The following ZFYVE21 variants were observed in gnomAD, a reference collection of about 807,000 sequenced individuals.
ZFYVE21 encodes the protein zinc finger FYVE domain-containing protein 21.
ZFYVE21 carries 21 observed loss-of-function variants against 29.5 expected under a neutral mutation model. The ratio of observed to expected loss-of-function variants is 0.71; its 90% confidence interval spans 0.50 to 1.02. The LOEUF (loss-of-function observed/expected upper bound fraction) is 1.02. Among genes scored for constraint, ZFYVE21 ranks in the 50% least tolerant of loss-of-function variants. The probability of loss-of-function intolerance (pLI) is 0.00; values close to 1 mark genes in which losing one functional copy is unlikely to be tolerated. For synonymous variants in ZFYVE21, 151 were observed against 133.8 expected, an observed-to-expected ratio of 1.13 and a Z score of -0.89; for missense variants, 326 against 335.4, an observed-to-expected ratio of 0.97 and a Z score of 0.22.
intron 5 of ZFYVE21, chr14:103,730,040 C>A: frequency 1.6e-6 from 1 of 629,634 alleles, no homozygotes; most frequent in Non-Finnish European, 2.7e-6. Context: ...GATACCGCAG[C>A]AGATGTACTT....
Position 103,727,815 on chromosome 14 carries a change from A to T in ZFYVE21, c.259A>T (p.Met87Leu), listed in dbSNP as rs778178596. 1 of 1,613,054 alleles carries T rather than the reference A, an allele frequency of 6.2e-7. No homozygotes were observed. Among genetic ancestry groups the T allele is most frequent in the Non-Finnish European group, 8.5e-7 (1 of 1,179,922 alleles). ...CCSQKVPLRR[M>L]CFVDPVRQCA... ...CAGCCAGAAGGTGCCGCTGCGGCGC[A>T]TGTGCTTTGTGGACCCCGTGCGGCA... is the stretch of plus-strand genomic sequence containing the variant. The change falls in exon 3 of 7, where the codon ATG becomes TTG. Residue 87 changes from methionine (M) to leucine (L), a missense_variant. Transcript: ENST00000311141.
chr14:103,716,134 C>A lies in ZFYVE21; in HGVS notation c.138+155C>A, dbSNP rs1219238163. 6.6e-6 allele frequency among the ~76,000 whole-genome samples: 1 copy of A among 151,456 alleles called. No homozygotes were observed. The highest frequency in any genetic ancestry group is 1.5e-5 in the Non-Finnish European group (1 of 67,798). ...CCGCTCTCTCCCAGGTTGGCCGCGT[C>A]CCCGGGCCGCCGCCTCAGGCTCCTA... is the stretch of plus-strand genomic sequence containing the variant. On this transcript the variant is annotated intron_variant, in intron 1 of 6. Coordinates refer to ENST00000311141, the MANE Select transcript of ZFYVE21 (RefSeq NM_024071.4). The surrounding 1 kb of genome is among the most constrained non-coding windows in gnomAD (Gnocchi z 4.8).
At chr14:103,726,711 T>G in intron 1 of ZFYVE21, 81 bp from the exon 2 acceptor site, 1 of 1,572,548 alleles carries the variant, frequency 6.4e-7, no homozygotes, top group Non-Finnish European at 8.7e-7. Context: ...GGGCCCAGCT[T>G]TCTCAGCAGC....
At position 103,729,975 on chromosome 14, in the gene ZFYVE21, G is replaced by A. The variant is rs558988306; in HGVS notation, c.526+793G>A. The A allele has an allele frequency of 4.6e-6, 5 of 1,084,940 alleles. No individual in the cohort carries two copies. In the South Asian group the frequency reaches 6.4e-5, roughly 14 times the overall value. 67.2% of individuals were successfully genotyped at this position (1,084,940 alleles called of 1,614,324 possible). A position where few individuals can be genotyped will look rare whatever the true frequency, so the allele number is the denominator to read the frequency against. ...GTGAAACCTGAATTCACTTACTTTG[G>A]TTGACTTAAGAGAGATGTTGGATCT... On this transcript the variant is annotated intron_variant, in intron 5 of 6. Coordinates refer to ENST00000311141, the MANE Select transcript of ZFYVE21 (RefSeq NM_024071.4).
chr14:103,726,988 C>T (rs1235248864), intron 2 of ZFYVE21, 146 bp downstream of exon 2: 12 of 779,706 alleles, frequency 1.5e-5, no homozygotes, highest in Middle Eastern at 7.9e-4. Flanking sequence ...TCTTGTCGCC[C>T]AGGCTGGAGT....
intron 5 of ZFYVE21, chr14:103,729,785 T>A: frequency 6.5e-7 from 1 of 1,536,494 alleles, no homozygotes; most frequent in South Asian, 1.2e-5. Context: ...CCCACCTTCT[T>A]GCCATAGAAA....
In ZFYVE21 at chr14:103,726,591, G is replaced by A. The variant is rs750347513; in HGVS notation, c.139-201G>A. ...TGCATCTCCCGCAGGCCTGGGAGCAGCCTGCACCCCACCGCATTGGCTCTG... is the reference window on the plus strand; with the variant it reads ...TGCATCTCCCGCAGGCCTGGGAGCAACCTGCACCCCACCGCATTGGCTCTG... On this transcript the variant is annotated intron_variant, in intron 1 of 6. Coordinates refer to ENST00000311141, the MANE Select transcript of ZFYVE21 (RefSeq NM_024071.4). The A allele has an allele frequency of 8.8e-5, 58 of 659,152 alleles. 1 individual carries two copies. Among genetic ancestry groups the A allele is most frequent in the Non-Finnish European group, 1.4e-4 (54 of 373,562 alleles). The allele number at this position is 659,152 out of a possible 1,614,324, so 40.8% of individuals were successfully genotyped here.
intron 1 of ZFYVE21, among the ~76,000 whole-genome samples, chr14:103,721,669 C>CA (rs778471557): frequency 1.3e-5 from 2 of 152,226 alleles, no homozygotes; most frequent in Admixed American, 1.3e-4. Flanking sequence ...GGGCACTGCC[C>CA]AAGCTGACCT....
chr14:103,729,737 C>G (rs2083958086), intron 5 of ZFYVE21: 2 of 1,532,068 alleles, frequency 1.3e-6, no homozygotes, highest in African/African-American at 1.4e-5. Context: ...CTTCCGTTCT[C>G]TCACCGGCTC....
Position 103,727,856 on chromosome 14 carries a change from C to T in ZFYVE21, c.300C>T (p.Ala100=), listed in dbSNP as rs1272458752. Residue 100 remains alanine, a synonymous_variant, in exon 3 of 7, where the codon GCC becomes GCT. Transcript: ENST00000311141. ...VDPVRQCAEC[A]LVSLKEAEFY... ...CCGTGCGGCAGTGCGCGGAGTGCGCCCTCGTGTCCCTCAAGGAGGCGGAGT... is the reference window on the plus strand; with the variant it reads ...CCGTGCGGCAGTGCGCGGAGTGCGCTCTCGTGTCCCTCAAGGAGGCGGAGT... The T allele has an allele frequency of 6.2e-7, 1 of 1,613,266 alleles. No homozygotes were observed. Among genetic ancestry groups the T allele is most frequent in the South Asian group, 1.1e-5 (1 of 91,072 alleles).
At chr14:103,722,798 GAC>G (rs1011434950) in intron 1 of ZFYVE21, among the ~76,000 whole-genome samples, 1 of 151,540 alleles carries the variant, frequency 6.6e-6, no homozygotes, top group Non-Finnish European at 1.5e-5. Context: ...CAGCCTGGGC[GAC>G]AGACTCCGTC....
intron 3 of ZFYVE21, chr14:103,728,666 T>C (rs977000845): frequency 3.4e-5 from 17 of 501,896 alleles, no homozygotes; most frequent in African/African-American, 2.9e-4. Flanking sequence ...GTAAAAGAAT[T>C]TCTAGGAGCT....
chr14:103,719,653 G>A (rs772432461), intron 1 of ZFYVE21, among the ~76,000 whole-genome samples: 3 of 151,980 alleles, frequency 2.0e-5, no homozygotes, highest in African/African-American at 7.3e-5. Context: ...ACACTGCAGG[G>A]TGGGGGGTTT....
At chr14:103,731,393 A>C (rs905078797) in intron 5 of ZFYVE21, 1 of 150,940 alleles carries the variant, frequency 6.6e-6, no homozygotes, top group African/African-American at 2.4e-5. Context: ...TGAGGTTGGG[A>C]GTTCGAAACC....
In ZFYVE21 at chr14:103,719,762, C is replaced by T. The variant is rs545951279; in HGVS notation, c.138+3783C>T. On this transcript the variant is annotated intron_variant, in intron 1 of 6. Transcript: ENST00000311141. ...CACAGGTGTTCTGGGAACCAGCAGC[C>T]TCATGAGATACTGCCAGGGACACCA... Among the ~76,000 whole-genome samples, 18 of 152,162 alleles carry T rather than the reference C, an allele frequency of 1.2e-4. No individual in the cohort carries two copies. In the East Asian group the frequency reaches 3.1e-3, roughly 26 times the overall value.
chr14:103,729,834 C>T, intron 5 of ZFYVE21: 1 of 1,536,236 alleles, frequency 6.5e-7, no homozygotes, highest in Non-Finnish European at 8.7e-7. Flanking sequence ...GGGGAGCCAG[C>T]CTGCCTCTGA....
intron 1 of ZFYVE21, among the ~76,000 whole-genome samples, chr14:103,723,933 C>T (rs927475735): frequency 2.0e-5 from 3 of 152,098 alleles, no homozygotes; most frequent in East Asian, 1.9e-4. Context: ...CTGAGGGTGG[C>T]GGGGACATGG....
chr14:103,731,561 C>A (rs1195497593), intron 5 of ZFYVE21: 1 of 151,986 alleles, frequency 6.6e-6, no homozygotes, highest in Non-Finnish European at 1.5e-5. Context: ...GAGCCGAGAT[C>A]GCACCACTGC....
In ZFYVE21 at chr14:103,732,757, C is replaced by T. The variant is rs1567073328; in HGVS notation, c.664C>T (p.His222Tyr). Reference protein sequence around the residue: ...RQAVAWLVAMHKAAKLLYESR... With the variant: ...RQAVAWLVAMYKAAKLLYESR... ...GGCGGTGGCGTGGCTAGTGGCCATG[C>T]ACAAGGTACCTGAGCCCAGGCCAGG... The change falls in exon 6 of 7, where the codon CAC (histidine) becomes TAC (tyrosine). Residue 222 changes from histidine (H) to tyrosine (Y), a missense_variant. Transcript: ENST00000311141. The T allele has an allele frequency of 1.2e-6, 2 of 1,611,986 alleles. No homozygotes were observed. Among genetic ancestry groups the T allele is most frequent in the Non-Finnish European group, 1.7e-6 (2 of 1,179,348 alleles).
Sources: allele counts gnomAD v4.1 joint callset (sites outside exome capture counted in the v4.1 genomes callset), GRCh38; gene constraint gnomAD v4.1.1; non-coding constraint Gnocchi (gnomAD v3.1); transcripts MANE v1.5; gene names NCBI Gene and HGNC (gene_info 2026-07-23, HGNC 2026-07-21).